PCDH9: variants seen among roughly 807,000 people sequenced by gnomAD.
PCDH9 encodes protocadherin-9.
In PCDH9, 24 loss-of-function variants were observed where a neutral mutation model predicts 70.6. The observed-to-expected ratio is 0.34, with a 90% CI of 0.25 to 0.48. PCDH9 has a LOEUF of 0.48. Ranked by LOEUF, PCDH9 falls within the 20% of genes least tolerant of loss-of-function variation. The pLI is 0.99. For missense variants in PCDH9, 1,281 were observed against 1,503.6 expected, an observed-to-expected ratio of 0.85 and a Z score of 2.45; for synonymous variants, 562 against 558.5, an observed-to-expected ratio of 1.01 and a Z score of -0.09.
At chr13:66,934,564 G>GAAAAAGAAAAAGAAAAGAAAAAAAT (rs2082876083) in intron 2 of PCDH9, among the ~76,000 whole-genome samples, 3 of 146,926 alleles carry the variant, frequency 2.0e-5, no homozygotes, top group Non-Finnish European at 4.5e-5. Flanking sequence ...AAAAGAAAAA[G>GAAAAAGAAAAAGAAAAGAAAAAAAT]AAAAATACAA....
chr13:67,154,458 T>C (rs146621892), intron 2 of PCDH9, among the ~76,000 whole-genome samples: 2,186 of 150,724 alleles, frequency 0.015, 19 homozygotes, highest in Non-Finnish European at 0.022. Context: ...GTGCCTATAG[T>C]CCCAGCTATT....
intron 2 of PCDH9, among the ~76,000 whole-genome samples, chr13:67,113,637 T>A (rs1371364279): frequency 6.6e-6 from 1 of 151,566 alleles, no homozygotes; most frequent in Non-Finnish European, 1.5e-5. Context: ...AAGCTCCGCC[T>A]CCCGGGTTCC....
At chr13:66,852,263 CCACT>C (rs1392812071) in intron 3 of PCDH9, among the ~76,000 whole-genome samples, 1 of 151,642 alleles carries the variant, frequency 6.6e-6, no homozygotes, top group Non-Finnish European at 1.5e-5. Flanking sequence ...ATAATGTTGC[CCACT>C]CACTAACAGA....
rs74093518 is a variant in PCDH9, at chr13:67,015,786, C to T, written c.3037-112181G>A. 5.1e-3 allele frequency among the ~76,000 whole-genome samples: 778 copies of T among 152,220 alleles called. 3 individuals are homozygous for T. The highest frequency in any genetic ancestry group is 0.017 in the African/African-American group (723 of 41,518). ...GCATAATTGTTCTCTTCATTCTACCCAAGGAAAAGTAATCTCTCATTCATC... is the reference window on the plus strand; with the variant it reads ...GCATAATTGTTCTCTTCATTCTACCTAAGGAAAAGTAATCTCTCATTCATC... On this transcript the variant is annotated intron_variant, in intron 2 of 4. Coordinates refer to ENST00000377865, the MANE Select transcript of PCDH9 (RefSeq NM_203487.3).
intron 2 of PCDH9, chr13:67,208,389 G>A (rs1050210434): frequency 2.0e-5 from 3 of 152,042 alleles, no homozygotes; most frequent in Non-Finnish European, 2.9e-5. Flanking sequence ...TGAATACTTA[G>A]AAAGCATATC....
intron 2 of PCDH9, among the ~76,000 whole-genome samples, chr13:67,150,584 A>G (rs529154614): frequency 2.0e-5 from 3 of 152,320 alleles, no homozygotes; most frequent in Admixed American, 6.5e-5. Context: ...TGCCCTAATA[A>G]TAAGTATTTT....
At chr13:66,472,387 T>C (rs138089922) in intron 4 of PCDH9, among the ~76,000 whole-genome samples, 1 of 25,230 alleles carries the variant, frequency 4.0e-5, no homozygotes, top group Non-Finnish European at 1.1e-4. Context: ...CTGGGCAACT[T>C]GGCAAAACCT....
chr13:66,981,505 G>A (rs2083770250), intron 2 of PCDH9, among the ~76,000 whole-genome samples: 1 of 151,196 alleles, frequency 6.6e-6, no homozygotes, highest in East Asian at 1.9e-4. Context: ...ACTTGAGCAG[G>A]ATTTAGTTTT....
chr13:66,904,881 A>C (rs2082334467), intron 2 of PCDH9, among the ~76,000 whole-genome samples: 2 of 152,004 alleles, frequency 1.3e-5, no homozygotes, highest in Non-Finnish European at 2.9e-5. Context: ...ACAACTAAGA[A>C]GGCATGACTT....
chr13:67,206,519 A>G (rs1054544177), intron 2 of PCDH9: 1 of 152,194 alleles, frequency 6.6e-6, no homozygotes, highest in African/African-American at 2.4e-5. Flanking sequence ...TATATTTGTA[A>G]AACTGTAGAA....
chr13:66,980,593 A>G (rs11842072), intron 2 of PCDH9, among the ~76,000 whole-genome samples: 45,560 of 151,598 alleles, frequency 0.3, 7,718 homozygotes, highest in Middle Eastern at 0.42. Context: ...CCTTTCTCAT[A>G]TGTTTTTATT....
chr13:66,787,575 CA>C (rs1249105125), intron 3 of PCDH9, among the ~76,000 whole-genome samples: 1 of 151,702 alleles, frequency 6.6e-6, no homozygotes, highest in African/African-American at 2.4e-5. Flanking sequence ...GAGATCACAC[CA>C]CTGCACTCTA....
intron 4 of PCDH9, among the ~76,000 whole-genome samples, chr13:66,527,151 A>G (rs543884841): frequency 6.6e-6 from 1 of 152,234 alleles, no homozygotes; most frequent in South Asian, 2.1e-4. Flanking sequence ...AAGATACCTG[A>G]TTATATAAAA....
intron 3 of PCDH9, among the ~76,000 whole-genome samples, chr13:66,693,188 A>G (rs1547118): frequency 0.44 from 66,410 of 151,858 alleles, 14,563 homozygotes; most frequent in South Asian, 0.46. Flanking sequence ...TTCATCTACA[A>G]TTGGAATGGC....
At chr13:67,076,008 G>T (rs1012844575) in intron 2 of PCDH9, among the ~76,000 whole-genome samples, 1 of 152,024 alleles carries the variant, frequency 6.6e-6, no homozygotes, top group East Asian at 1.9e-4. Context: ...CATACCAAAG[G>T]TTTAATCAAA....
In PCDH9 at chr13:66,997,378, A is replaced by G. The variant is rs114674244; in HGVS notation, c.3037-93773T>C. On this transcript the variant is annotated intron_variant, in intron 2 of 4. Coordinates refer to ENST00000377865, the MANE Select transcript of PCDH9 (RefSeq NM_203487.3). Reference sequence around the variant, plus strand: ...GAGAAGGTGCCAGGCTCTTTTAAGCAACCAAATCCTATGTGAACTCATAGA... The same window carrying G: ...GAGAAGGTGCCAGGCTCTTTTAAGCGACCAAATCCTATGTGAACTCATAGA... Among the ~76,000 whole-genome samples, 410 of 152,268 alleles carry G rather than the reference A, an allele frequency of 2.7e-3. 2 individuals carry two copies. Among genetic ancestry groups the G allele is most frequent in the African/African-American group, 9.1e-3 (379 of 41,538 alleles).
At chr13:67,120,187 A>AAATAATAATAATAAT (rs149316252) in intron 2 of PCDH9, among the ~76,000 whole-genome samples, 9,500 of 143,606 alleles carry the variant, frequency 0.066, 394 homozygotes, top group Admixed American at 0.12. Context: ...CTCATGCATT[A>AAATAATAATAATAAT]AATAATAATA....
chr13:66,732,034 C>T (rs923787582), intron 3 of PCDH9, among the ~76,000 whole-genome samples: 3 of 151,864 alleles, frequency 2.0e-5, no homozygotes, highest in Non-Finnish European at 4.4e-5. Flanking sequence ...CATGTATTTT[C>T]CTTCCATATT....
intron 3 of PCDH9, among the ~76,000 whole-genome samples, chr13:66,642,539 A>T (rs1332139883): frequency 1.3e-5 from 2 of 152,014 alleles, no homozygotes; most frequent in Non-Finnish European, 2.9e-5. Context: ...CAGTAACACC[A>T]CTAGATTTTT....
Sources: gnomAD v4.1 joint callset for allele counts (sites outside exome capture counted in the v4.1 genomes callset) on GRCh38, gnomAD v4.1.1 for gene constraint, MANE v1.5 for transcripts, NCBI Gene and HGNC (gene_info 2026-07-23, HGNC 2026-07-21) for gene names.